RNFT2: variants seen among roughly 807,000 people sequenced by gnomAD.
RNFT2 encodes ring finger protein, transmembrane 2.
In RNFT2, 36 loss-of-function variants were observed where a neutral mutation model predicts 53.0. The ratio of observed to expected loss-of-function variants is 0.68; its 90% CI spans 0.52 to 0.90. The LOEUF is 0.90. Among genes scored for constraint, RNFT2 ranks in the 40% least tolerant of loss-of-function variants. The probability of loss-of-function intolerance (pLI) is 0.00; values close to 1 mark genes in which losing one functional copy is unlikely to be tolerated. For missense variants in RNFT2, 514 were observed against 585.6 expected (o/e 0.88, Z 1.26); for synonymous variants, 260 against 253.2 (o/e 1.03, Z -0.26).
intron 3 of RNFT2, among the ~76,000 whole-genome samples, chr12:116,746,530 G>A (rs73220431): frequency 0.067 from 10,186 of 152,228 alleles, 468 homozygotes; most frequent in Middle Eastern, 0.12. Context: ...ATCCAGGGAG[G>A]GAGATTTTAG....
chr12:116,775,995 G>T (rs1226297033), intron 6 of RNFT2, among the ~76,000 whole-genome samples: 1 of 151,774 alleles, frequency 6.6e-6, no homozygotes, highest in African/African-American at 2.4e-5. Flanking sequence ...GTGAGCCAAG[G>T]TTGTGACACT....
At position 116,743,230 on chromosome 12, in the gene RNFT2, AAAAAAAAAAAAAAAC is replaced by A. The variant is rs1168806877; in HGVS notation, c.83+2137_83+2151del. 4.4e-4 allele frequency among the ~76,000 whole-genome samples: 53 copies of A among 120,814 alleles called. 12 individuals are homozygous for A. The South Asian group carries it at 4.6e-3, about 11-fold the overall frequency. The allele number at this position is 120,814 out of a possible 152,430, so 79.3% of individuals were successfully genotyped here. ...GTAGAATCTAAAAAAAAAAAAAAAA[AAAAAAAAAAAAAAAC>A]CGGTTAAAAAACACTCATGAGCTAG... is the stretch of plus-strand genomic sequence containing the variant. On this transcript the variant is annotated intron_variant, in intron 3 of 10. Coordinates refer to ENST00000257575, the MANE Select transcript of RNFT2 (RefSeq NM_001382266.1).
At chr12:116,750,850 T>A (rs908880011) in intron 4 of RNFT2, among the ~76,000 whole-genome samples, 41 of 3,286 alleles carry the variant, frequency 0.012, 1 homozygote, top group African/African-American at 0.032. Flanking sequence ...TATATATATA[T>A]AATATATATT....
At chr12:116,816,015 C>T (rs1875639087) in intron 7 of RNFT2, among the ~76,000 whole-genome samples, 1 of 152,184 alleles carries the variant, frequency 6.6e-6, no homozygotes, top group South Asian at 2.1e-4. Flanking sequence ...GGGAAACAGC[C>T]AGGCTTGGGC....
At chr12:116,833,657 T>C in intron 7 of RNFT2, 135 bp from the exon 8 acceptor site, 1 of 860,382 alleles carries the variant, frequency 1.2e-6, no homozygotes, top group East Asian at 2.8e-5. Context: ...GGAGCTGGCC[T>C]GAGTGCTTTC....
chr12:116,839,425 G>GTGGATGGATGGATGGA (rs148543249), intron 10 of RNFT2, among the ~76,000 whole-genome samples: 1 of 112,436 alleles, frequency 8.9e-6, no homozygotes, highest in Admixed American at 1.1e-4. Flanking sequence ...GGGTGGGTGG[G>GTGGATGGATGGATGGA]TGGATGGATG....
intron 7 of RNFT2, among the ~76,000 whole-genome samples, chr12:116,792,455 C>T (rs1159583543): frequency 6.6e-6 from 1 of 152,164 alleles, no homozygotes; most frequent in Non-Finnish European, 1.5e-5. Context: ...CTCCTTGAAA[C>T]GGACACTGCT....
intron 7 of RNFT2, among the ~76,000 whole-genome samples, chr12:116,790,362 C>T (rs1470205305): frequency 6.8e-6 from 1 of 147,436 alleles, no homozygotes; most frequent in Non-Finnish European, 1.5e-5. Context: ...AAATAGAAAC[C>T]CCTGTATTCG....
intron 10 of RNFT2, among the ~76,000 whole-genome samples, chr12:116,841,882 A>AATATATATAAAAATATATATATATAAAT (rs1565876169): frequency 2.1e-4 from 5 of 23,470 alleles, no homozygotes; most frequent in South Asian, 1.6e-3. Context: ...TATATATATA[A>AATATATATAAAAATATATATATATAAAT]ATATATATAA....
chr12:116,754,119 G>C (rs185658648), intron 5 of RNFT2, 59 bp downstream of exon 5: 4 of 1,389,064 alleles, frequency 2.9e-6, no homozygotes, highest in Non-Finnish European at 4.1e-6. Context: ...CCACAAGCCA[G>C]GCACAGTCTT....
rs367983429 is a variant in RNFT2 at position 116,746,374 on chromosome 12, A to G, written c.84-3467A>G. Among the ~76,000 whole-genome samples the G allele has an allele frequency of 3.5e-4, 54 of 152,226 alleles. 1 individual carries two copies. In the South Asian group the frequency reaches 0.011, roughly 30 times the overall value. On this transcript the variant is annotated intron_variant, in intron 3 of 10. Coordinates refer to ENST00000257575, the MANE Select transcript of RNFT2 (RefSeq NM_001382266.1). ...AAAAGCTCCCCCAAGTGATTATAAT[A>G]TATGGCCAGGATTGAGAGCCACAGG... is the stretch of plus-strand genomic sequence containing the variant.
intron 7 of RNFT2, among the ~76,000 whole-genome samples, chr12:116,803,086 C>T (rs1020956047): frequency 9.7e-6 from 1 of 102,854 alleles, no homozygotes; most frequent in African/African-American, 3.1e-5. Context: ...CAGAGCAAGA[C>T]CCTGTCTTAA....
At chr12:116,824,004 C>T (rs1876194273) in intron 7 of RNFT2, among the ~76,000 whole-genome samples, 1 of 152,110 alleles carries the variant, frequency 6.6e-6, no homozygotes, top group Non-Finnish European at 1.5e-5. Context: ...ATCTGACTCC[C>T]AAGTCCATGC....
intron 7 of RNFT2, among the ~76,000 whole-genome samples, chr12:116,810,947 G>A (rs1193307151): frequency 1.3e-5 from 2 of 152,222 alleles, no homozygotes; most frequent in Admixed American, 1.3e-4. Context: ...TCAACTTTTA[G>A]CTTGTCCAGA....
At chr12:116,830,682 GGTGGATCACCT>G (rs1876595353) in intron 7 of RNFT2, among the ~76,000 whole-genome samples, 1 of 152,074 alleles carries the variant, frequency 6.6e-6, no homozygotes, top group South Asian at 2.1e-4. Context: ...AAGTGAAGTA[GGTGGATCACCT>G]GTGGTCAGGA....
intron 7 of RNFT2, among the ~76,000 whole-genome samples, chr12:116,816,206 G>T (rs2137173219): frequency 6.6e-6 from 1 of 152,318 alleles, no homozygotes; most frequent in Middle Eastern, 3.4e-3. Context: ...GTACTGGGGA[G>T]CAGGGCCCTG....
intron 4 of RNFT2, among the ~76,000 whole-genome samples, chr12:116,753,246 G>A (rs1451077225): frequency 6.7e-6 from 1 of 150,366 alleles, no homozygotes; most frequent in East Asian, 2.0e-4. Context: ...CCCATCCTGG[G>A]TTCAAGCAGT....
chr12:116,836,144 C>T lies in RNFT2; in HGVS notation c.1099-37C>T, dbSNP rs369883723. 1.8e-5 allele frequency: 28 copies of T among 1,588,346 alleles called. No homozygotes were observed. In the African/African-American group the frequency reaches 2.1e-4, roughly 12 times the overall value. ...CTCCTGAGGGCGTAGTTCCCAAGGGCGCCCATAGCTGTATTTGCTTCTCCC... is the reference window on the plus strand; with the variant it reads ...CTCCTGAGGGCGTAGTTCCCAAGGGTGCCCATAGCTGTATTTGCTTCTCCC... On this transcript the variant is annotated intron_variant, in intron 9 of 10. Coordinates refer to ENST00000257575, the MANE Select transcript of RNFT2 (RefSeq NM_001382266.1).
intron 6 of RNFT2, among the ~76,000 whole-genome samples, chr12:116,775,255 C>A (rs892141404): frequency 9.4e-6 from 1 of 105,932 alleles, no homozygotes; most frequent in African/African-American, 3.3e-5. Context: ...GGTGAAACTC[C>A]CGTCTCAAAA....
Sources: gnomAD v4.1 joint callset for allele counts (sites outside exome capture counted in the v4.1 genomes callset) on GRCh38, gnomAD v4.1.1 for gene constraint, MANE v1.5 for transcripts, NCBI Gene and HGNC (gene_info 2026-07-23, HGNC 2026-07-21) for gene names.